ZEB2: variants seen among roughly 807,000 people sequenced by gnomAD.
The protein encoded by ZEB2 is zinc finger E-box-binding homeobox 2.
A neutral mutation model predicts 99.9 loss-of-function variants in ZEB2; 6 were observed. That is an observed-to-expected ratio of 0.06 (90% CI 0.03 to 0.12). The LOEUF (loss-of-function observed/expected upper bound fraction) is 0.12. Ranked by LOEUF, ZEB2 falls within the 10% of genes least tolerant of loss-of-function variation. ZEB2 has a pLI of 1.00. For missense variants in ZEB2, 969 were observed against 1,502.8 expected (o/e 0.64, Z 5.87); for synonymous variants, 517 against 542.5 (o/e 0.95, Z 0.65).
intron 2 of ZEB2, among the ~76,000 whole-genome samples, chr2:144,446,261 C>T (rs1446745641): frequency 6.6e-6 from 1 of 152,082 alleles, no homozygotes; most frequent in Non-Finnish European, 1.5e-5. Context: ...CCAAATAGGC[C>T]ATATGTTAGT....
intron 7 of ZEB2, 58 bp downstream of exon 7, chr2:144,401,141 T>C: frequency 6.7e-7 from 1 of 1,492,054 alleles, no homozygotes; most frequent in Non-Finnish European, 9.4e-7. Flanking sequence ...AACAATCTTT[T>C]AAAACTCCCC....
At chr2:144,440,840 G>C (rs919899648) in intron 2 of ZEB2, among the ~76,000 whole-genome samples, 12 of 151,740 alleles carry the variant, frequency 7.9e-5, no homozygotes, top group African/African-American at 2.9e-4. Context: ...TCACGATTCA[G>C]AGTAAGAGAA....
chr2:144,451,713 T>C (rs1200606350), intron 2 of ZEB2, among the ~76,000 whole-genome samples: 1 of 152,210 alleles, frequency 6.6e-6, no homozygotes, highest in Non-Finnish European at 1.5e-5. Flanking sequence ...CCAATCTTTG[T>C]TATTTTGCTG....
At chr2:144,512,662 A>G (rs750385722) in intron 2 of ZEB2, 14 of 1,287,142 alleles carry the variant, frequency 1.1e-5, no homozygotes, top group Non-Finnish European at 1.4e-5. Flanking sequence ...GTCCTGGTGG[A>G]CTGTCACTCT....
intron 2 of ZEB2, among the ~76,000 whole-genome samples, chr2:144,432,360 C>T (rs534710469): frequency 1.2e-4 from 19 of 152,262 alleles, no homozygotes; most frequent in African/African-American, 2.2e-4. Context: ...TCTTTTCTAG[C>T]GCTGTGTTAA....
chr2:144,430,592 C>A (rs1703757469), intron 2 of ZEB2: 1 of 174,804 alleles, frequency 5.7e-6, no homozygotes, highest in African/African-American at 2.4e-5. Flanking sequence ...TGTGCTAAGG[C>A]CATTTATATC....
chr2:144,389,750 T>C lies in ZEB2; in HGVS notation c.3346A>G (p.Ile1116Val), dbSNP rs1703130143. Residue 1116 changes from isoleucine to valine, a missense_variant, in exon 10 of 10, where the codon ATT becomes GTT. Ile to Val is a conservative substitution (Grantham distance 29). Around this residue, in one of 8 missense-constraint regions of ZEB2, gnomAD observed 121 missense variants for 166.4 expected, o/e 0.73. Coordinates refer to ENST00000627532, the MANE Select transcript of ZEB2 (RefSeq NM_014795.4). The surrounding 1 kb of genome is among the most constrained non-coding windows in gnomAD (Gnocchi z 6.8). ...GAGTCAGAGTACCCCTGAGGGGTAA[T>C]GCTCTGCAAGTAAGCCCGGTTCATC... is the stretch of plus-strand genomic sequence containing the variant. ...LLMNRAYLQS[I>V]TPQGYSDSEE... 6 of 1,610,166 alleles carry C rather than the reference T, an allele frequency of 3.7e-6. No individual in the cohort carries two copies. The highest frequency in any genetic ancestry group is 5.1e-6 in the Non-Finnish European group (6 of 1,177,322).
At chr2:144,458,614 G>GA (rs1306172642) in intron 2 of ZEB2, among the ~76,000 whole-genome samples, 7 of 151,316 alleles carry the variant, frequency 4.6e-5, no homozygotes, top group South Asian at 4.2e-4. Flanking sequence ...CTAAGAGAAT[G>GA]AAAAAAAAAT....
chr2:144,400,138 G>A lies in ZEB2; in HGVS notation c.1049C>T (p.Thr350Met), dbSNP rs975397942. The A allele has an allele frequency of 7.4e-6, 12 of 1,613,848 alleles. No individual in the cohort carries two copies. The highest frequency in any genetic ancestry group is 2.7e-5 in the African/African-American group (2 of 74,920). ...AGAAACAGAATTAGGGGAAGAACCC[G>A]TCTTGATATTGTTTCTCATTCGGCC... ...VNGRMRNNIK[T>M]GSSPNSVSSS... The change falls in exon 8 of 10, where the codon ACG becomes ATG. Residue 350 changes from threonine (T) to methionine (M), a missense_variant. By Grantham distance (81) the Thr-to-Met change is moderately conservative. Transcript: ENST00000627532.
At chr2:144,485,081 A>C (rs1312583008) in intron 2 of ZEB2, among the ~76,000 whole-genome samples, 1 of 152,160 alleles carries the variant, frequency 6.6e-6, no homozygotes, top group East Asian at 1.9e-4. Context: ...CAAAACCAAT[A>C]AAAATAATTA....
At chr2:144,423,476 A>G (rs1703647406) in intron 4 of ZEB2, among the ~76,000 whole-genome samples, 1 of 152,228 alleles carries the variant, frequency 6.6e-6, no homozygotes, top group Non-Finnish European at 1.5e-5. Flanking sequence ...TATTAAAACT[A>G]GAAGTATTAT....
intron 8 of ZEB2, 109 bp from the exon 9 acceptor site, chr2:144,396,701 G>T: frequency 8.3e-7 from 1 of 1,199,536 alleles, no homozygotes; most frequent in Non-Finnish European, 1.2e-6. Context: ...GCTACTAATT[G>T]ATTGAGTTAA....
chr2:144,474,113 A>G (rs1461127597), intron 2 of ZEB2, among the ~76,000 whole-genome samples: 1 of 152,168 alleles, frequency 6.6e-6, no homozygotes. Flanking sequence ...TGAAGACAGC[A>G]CTGAGGAAAG....
In ZEB2 at chr2:144,398,943, G is replaced by T; in HGVS notation, c.2244C>A (p.His748Gln). ...GAGGATCACAATTCGTAACACTGTTGTGGAGTTCTGCTATAGATGGTGATG... is the reference window on the plus strand; with the variant it reads ...GAGGATCACAATTCGTAACACTGTTTTGGAGTTCTGCTATAGATGGTGATG... ...SITSPSIAEL[H>Q]NSVTNCDPPL... Residue 748 changes from histidine to glutamine, a missense_variant, in exon 8 of 10, where the codon CAC becomes CAA. His to Gln is a conservative substitution (Grantham distance 24, BLOSUM62 0). This residue lies in a region of ZEB2 where 346 missense variants were observed against 460.0 expected (regional missense o/e 0.75). Coordinates refer to ENST00000627532, the MANE Select transcript of ZEB2 (RefSeq NM_014795.4). 1 of 1,614,194 alleles carries T rather than the reference G, an allele frequency of 6.2e-7. No homozygotes were observed. The highest frequency in any genetic ancestry group is 1.3e-5 in the African/African-American group (1 of 75,054).
intron 6 of ZEB2, among the ~76,000 whole-genome samples, chr2:144,401,592 G>T (rs1194015908): frequency 1.3e-5 from 2 of 152,192 alleles, no homozygotes; most frequent in Non-Finnish European, 2.9e-5. Context: ...GGACGAGGAA[G>T]TATAACTGTA....
In ZEB2 at chr2:144,398,363, C is replaced by T. The variant is rs1206387289; in HGVS notation, c.2824G>A (p.Gly942Arg). Residue 942 changes from glycine to arginine, a missense_variant, in exon 8 of 10, where the codon GGA becomes AGA. Around this residue, in one of 8 missense-constraint regions of ZEB2, gnomAD observed 346 missense variants for 460.0 expected, o/e 0.75. Transcript: ENST00000627532. The part of the protein sequence containing the change: ...LPHMAYTYPT[G>R]AATFADMQQR... ...TGCATATCAGCAAAAGTAGCTGCTC[C>T]AGTTGGGTAGGTGTAGGCCATATGT... 1 of 1,614,004 alleles carries T rather than the reference C, an allele frequency of 6.2e-7. No homozygotes were observed. The highest frequency in any genetic ancestry group is 2.2e-5 in the East Asian group (1 of 44,872).
At chr2:144,474,890 T>C (rs971468479) in intron 2 of ZEB2, among the ~76,000 whole-genome samples, 1 of 152,304 alleles carries the variant, frequency 6.6e-6, no homozygotes, top group Admixed American at 6.5e-5. Context: ...AAGAAAGAAA[T>C]ATAACATTTT....
In ZEB2 at chr2:144,388,803, C is replaced by A. The variant is rs1294423252; in HGVS notation, c.*648G>T. On this transcript the variant is annotated 3_prime_UTR_variant, in exon 10 of 10. Transcript: ENST00000627532. This position sits in a 1 kb window ranked among gnomAD's most constrained non-coding sequence, Gnocchi z 5.4. ...CACCTTACAAAGGCTTTCTTTATTT[C>A]TCATCTTACTTTTTCCTTCACGTCC... is the stretch of plus-strand genomic sequence containing the variant. 2 of 431,078 alleles carry A rather than the reference C, an allele frequency of 4.6e-6. No individual in the cohort carries two copies. Among genetic ancestry groups the A allele is most frequent in the Non-Finnish European group, 9.2e-6 (2 of 216,276 alleles). The allele number at this position is 431,078 out of a possible 1,614,324, so 26.7% of individuals were successfully genotyped here.
chr2:144,492,837 A>T (rs1383436692), intron 2 of ZEB2, among the ~76,000 whole-genome samples: 1 of 152,240 alleles, frequency 6.6e-6, no homozygotes, highest in Non-Finnish European at 1.5e-5. Flanking sequence ...TCTACATATG[A>T]TAATGTATAC....
Sources: gnomAD v4.1 joint callset for allele counts (sites outside exome capture counted in the v4.1 genomes callset) on GRCh38, gnomAD v4.1.1 for gene constraint, gnomAD v4.1.1 regional missense constraint, Gnocchi (gnomAD v3.1) non-coding constraint, MANE v1.5 for transcripts, NCBI Gene and HGNC (gene_info 2026-07-23, HGNC 2026-07-21) for gene names.